ACVR1: variants seen among roughly 807,000 people sequenced by gnomAD.
The protein encoded by ACVR1 is activin A receptor type 1, also known as activin receptor type-1.
A neutral mutation model predicts 57.1 loss-of-function variants in ACVR1; 38 were observed. The observed-to-expected ratio is 0.67, with a 90% CI of 0.51 to 0.87. The LOEUF is 0.87. Among genes scored for constraint, ACVR1 ranks in the 40% least tolerant of loss-of-function variants. The pLI is 0.00. For synonymous variants in ACVR1, 212 were observed against 228.1 expected (o/e 0.93, Z 0.63); for missense variants, 463 against 638.2 (o/e 0.73, Z 2.96).
Position 157,876,280 on chromosome 2 carries a change from T to G in ACVR1, c.-667A>C, listed in dbSNP as rs1268906111. 1.5e-5 allele frequency among the ~76,000 whole-genome samples: 2 copies of G among 132,808 alleles called. No homozygotes were observed. Among genetic ancestry groups the G allele is most frequent in the African/African-American group, 2.9e-5 (1 of 34,476 alleles). 87.1% of individuals were successfully genotyped at this position (132,808 alleles called of 152,430 possible). The stretch of plus-strand genomic sequence containing the variant: ...AGACCGTCACAGAGAGTAGAAAAGT[T>G]CCCCCTGCGCCGAGGGGGAGGCTGC... On this transcript the variant is annotated 5_prime_UTR_variant, in exon 1 of 11. Coordinates refer to ENST00000434821, the MANE Select transcript of ACVR1 (RefSeq NM_001111067.4).
At chr2:157,833,026 A>G (rs1688641941) in intron 1 of ACVR1, among the ~76,000 whole-genome samples, 1 of 152,192 alleles carries the variant, frequency 6.6e-6, no homozygotes, top group Non-Finnish European at 1.5e-5. Context: ...TATTTATCCA[A>G]GCAACAATGA....
intron 1 of ACVR1, chr2:157,838,270 A>G (rs1027222366): frequency 3.9e-5 from 6 of 152,296 alleles, no homozygotes; most frequent in African/African-American, 1.2e-4. Context: ...CTGAAACGCT[A>G]TTCGCTTCAA....
chr2:157,830,779 C>T (rs1377207742), intron 1 of ACVR1, among the ~76,000 whole-genome samples: 1 of 151,230 alleles, frequency 6.6e-6, no homozygotes, highest in East Asian at 1.9e-4. Context: ...GAATTATTCC[C>T]AAGATGGTCA....
intron 1 of ACVR1, among the ~76,000 whole-genome samples, chr2:157,841,636 T>A (rs1688979564): frequency 6.6e-6 from 1 of 152,032 alleles, no homozygotes; most frequent in Admixed American, 6.5e-5. Flanking sequence ...GCCCAAAAGT[T>A]CAAGGTTGGA....
intron 9 of ACVR1, among the ~76,000 whole-genome samples, chr2:157,759,469 TC>T (rs974782921): frequency 2.6e-5 from 4 of 151,998 alleles, no homozygotes; most frequent in Non-Finnish European, 5.9e-5. Context: ...TAAAAAGTAT[TC>T]CCACAAAGAA....
intron 1 of ACVR1, among the ~76,000 whole-genome samples, chr2:157,856,852 C>G (rs986338671): frequency 2.6e-5 from 4 of 152,140 alleles, no homozygotes; most frequent in Admixed American, 2.6e-4. Flanking sequence ...GATACTGAGA[C>G]GCAAGTTCAA....
rs777435393 is a variant in ACVR1 at position 157,778,299 on chromosome 2, G to C, written c.375C>G (p.Gly125=). ...PGTQNFHLEV[G]LIILSVVFAV... is the part of the protein sequence containing the mutation. ...CGAACACTACAGAGAGAATAATGAGGCCAACCTCCAAGTGGAAATTCTGTG... is the reference window on the plus strand; with the variant it reads ...CGAACACTACAGAGAGAATAATGAGCCCAACCTCCAAGTGGAAATTCTGTG... Residue 125 remains glycine, a synonymous_variant, in exon 5 of 11, where the codon GGC becomes GGG. Coordinates refer to ENST00000434821, the MANE Select transcript of ACVR1 (RefSeq NM_001111067.4). 2 of 1,614,010 alleles carry C rather than the reference G, an allele frequency of 1.2e-6. No individual in the cohort carries two copies. The highest frequency in any genetic ancestry group is 4.5e-5 in the East Asian group (2 of 44,876).
chr2:157,780,818 T>C (rs534984229), intron 3 of ACVR1, among the ~76,000 whole-genome samples: 1 of 151,666 alleles, frequency 6.6e-6, no homozygotes, highest in South Asian at 2.1e-4. Flanking sequence ...TTATATAAGC[T>C]GTGCACCCTT....
chr2:157,796,384 TCTA>T (rs1687123823), intron 3 of ACVR1, among the ~76,000 whole-genome samples: 2 of 151,636 alleles, frequency 1.3e-5, no homozygotes, highest in Non-Finnish European at 2.9e-5. Context: ...AAACTCTGTC[TCTA>T]CTAAAAATGC....
At chr2:157,737,697 C>A in intron 10 of ACVR1, 32 bp from the exon 11 acceptor site, 1 of 1,613,984 alleles carries the variant, frequency 6.2e-7, no homozygotes, top group Non-Finnish European at 8.5e-7. Context: ...ACCACAATGA[C>A]AAACTGGCTT....
At chr2:157,754,946 T>TG (rs1374678420) in intron 9 of ACVR1, among the ~76,000 whole-genome samples, 1 of 152,196 alleles carries the variant, frequency 6.6e-6, no homozygotes, top group Non-Finnish European at 1.5e-5. Context: ...GATGCAGGGA[T>TG]GGTTTAGCAT....
Position 157,774,069 on chromosome 2 carries a change from A to G in ACVR1, c.643+19T>C. ...TAACATTGCATATTACCCACAAAGA[A>G]AGGAAAAAAAAGAATTACCGACACA... On this transcript the variant is annotated intron_variant, in intron 6 of 10. Transcript: ENST00000434821. 1.2e-6 allele frequency: 2 copies of G among 1,607,142 alleles called. No individual in the cohort carries two copies. The highest frequency in any genetic ancestry group is 1.7e-5 in the Admixed American group (1 of 60,014).
At chr2:157,794,345 A>G (rs959005908) in intron 3 of ACVR1, among the ~76,000 whole-genome samples, 3 of 152,210 alleles carry the variant, frequency 2.0e-5, no homozygotes, top group Admixed American at 6.5e-5. Context: ...ATGAACATGA[A>G]AAATGATTAC....
intron 2 of ACVR1, among the ~76,000 whole-genome samples, chr2:157,807,887 G>C (rs1687613467): frequency 1.6e-5 from 2 of 126,798 alleles, no homozygotes; most frequent in South Asian, 5.8e-4. Context: ...TGAAAGGAAT[G>C]TCAAGGCCAG....
intron 1 of ACVR1, chr2:157,819,413 GAGGT>G (rs1171668712): frequency 1.3e-5 from 2 of 151,452 alleles, no homozygotes; most frequent in African/African-American, 4.9e-5. Flanking sequence ...CTGAGAGGCG[GAGGT>G]TACGGTGAGC....
chr2:157,845,124 A>C (rs1689090485), intron 1 of ACVR1, among the ~76,000 whole-genome samples: 1 of 152,214 alleles, frequency 6.6e-6, no homozygotes, highest in Admixed American at 6.5e-5. Context: ...TGGGGTCCCA[A>C]TAAGTTGTGT....
chr2:157,767,162 G>A (rs1237749885), intron 7 of ACVR1, among the ~76,000 whole-genome samples: 1 of 152,004 alleles, frequency 6.6e-6, no homozygotes, highest in Non-Finnish European at 1.5e-5. Flanking sequence ...CTCCCGAGTA[G>A]CTGGGATTAC....
chr2:157,781,596 A>G (rs1686527969), intron 3 of ACVR1, among the ~76,000 whole-genome samples: 1 of 152,250 alleles, frequency 6.6e-6, no homozygotes, highest in Admixed American at 6.5e-5. Flanking sequence ...ATGTTTGAAC[A>G]GTAAGGTGAC....
chr2:157,809,450 C>T (rs772966677), intron 2 of ACVR1, among the ~76,000 whole-genome samples: 5 of 151,992 alleles, frequency 3.3e-5, no homozygotes, highest in African/African-American at 7.2e-5. Flanking sequence ...AGAAAGAAAA[C>T]GAGCCATGTA....
Sources: gnomAD v4.1 joint callset for allele counts (sites outside exome capture counted in the v4.1 genomes callset) on GRCh38, gnomAD v4.1.1 for gene constraint, MANE v1.5 for transcripts, NCBI Gene and HGNC (gene_info 2026-07-23, HGNC 2026-07-21) for gene names.